The following KRI1 variants were observed in gnomAD, a reference collection of about 807,000 sequenced individuals.
KRI1 encodes the protein KRI1 homolog.
KRI1 carries 83 observed loss-of-function variants against 97.0 expected under a neutral mutation model. The ratio of observed to expected loss-of-function variants is 0.86; its 90% CI spans 0.72 to 1.03. The LOEUF is 1.03. Among genes scored for constraint, KRI1 ranks in the 50% least tolerant of loss-of-function variants. The pLI, the probability that KRI1 is intolerant of heterozygous loss-of-function variation, is 0.00. For missense variants in KRI1, 916 were observed against 928.4 expected, an observed-to-expected ratio of 0.99 and a Z score of 0.17; for synonymous variants, 371 against 363.5, an observed-to-expected ratio of 1.02 and a Z score of -0.23.
At chr19:10,564,885 C>T (rs1468419575) in intron 3 of KRI1, 44 bp downstream of exon 3, 2 of 1,264,804 alleles carry the variant, frequency 1.6e-6, no homozygotes, top group African/African-American at 2.9e-5. Context: ...ACCCCGGATT[C>T]TGCTCCAGAG....
intron 17 of KRI1, 21 bp downstream of exon 17, chr19:10,555,264 C>T (rs765585165): frequency 6.8e-6 from 11 of 1,612,886 alleles, no homozygotes; most frequent in Admixed American, 5.0e-5. Context: ...CATGTGGCCC[C>T]GCCGCGCCCC....
intron 8 of KRI1, 61 bp from the exon 9 acceptor site, chr19:10,560,509 C>A: frequency 7.8e-7 from 1 of 1,280,300 alleles, no homozygotes; most frequent in South Asian, 1.3e-5. Context: ...GGCAGGCATG[C>A]TCACCACATG....
chr19:10,553,884 G>A lies in KRI1; in HGVS notation c.*67C>T, dbSNP rs1373452353. ...ATCTCTGCAGCAGATAGTACTTGTG[G>A]GTGCGAGACCTGTCCAGGGCTTGAT... On this transcript the variant is annotated 3_prime_UTR_variant, in exon 19 of 19. Coordinates refer to ENST00000312962, the MANE Select transcript of KRI1 (RefSeq NM_023008.5). 7.8e-7 allele frequency: 1 copy of A among 1,283,754 alleles called. No homozygotes were observed. Among genetic ancestry groups the A allele is most frequent in the Admixed American group, 2.8e-5 (1 of 35,954 alleles). The allele number at this position is 1,283,754 out of a possible 1,614,324, so 79.5% of individuals were successfully genotyped here.
At position 10,554,273 on chromosome 19, in the gene KRI1, G is replaced by A. The variant is rs763399698; in HGVS notation, c.1790C>T (p.Thr597Ile). ...FKSLCREEAE[T>I]PAEATGKPQR... ...TGGCTTCCCTGTGGCTTCCGCAGGTGTCTCTGCCCTGAGGGAGAAAAGTCA... is the reference window on the plus strand; with the variant it reads ...TGGCTTCCCTGTGGCTTCCGCAGGTATCTCTGCCCTGAGGGAGAAAAGTCA... The change falls in exon 19 of 19, where the codon ACA (threonine) becomes ATA (isoleucine). Residue 597 changes from threonine (T) to isoleucine (I), a missense_variant. Physicochemically the swap from Thr to Ile is moderately conservative, Grantham distance 89 (BLOSUM62 -1). Transcript: ENST00000312962. 3 of 1,613,608 alleles carry A rather than the reference G, an allele frequency of 1.9e-6. No individual in the cohort carries two copies. Among genetic ancestry groups the A allele is most frequent in the Non-Finnish European group, 2.5e-6 (3 of 1,179,870 alleles).
rs367986734 is a variant in KRI1 at position 10,553,788 on chromosome 19, C to T, written c.*163G>A. ...CCCACGCTGGTCTCCAATTCCTGGG[C>T]TCAAGTGATCCTTTCACCTCGGCCT... On this transcript the variant is annotated 3_prime_UTR_variant, in exon 19 of 19. Transcript: ENST00000312962. 3.2e-6 allele frequency: 2 copies of T among 634,514 alleles called. No individual in the cohort carries two copies. The highest frequency in any genetic ancestry group is 3.7e-5 in the African/African-American group (2 of 53,942). The allele number at this position is 634,514 out of a possible 1,614,324, so 39.3% of individuals were successfully genotyped here.
Position 10,554,009 on chromosome 19 carries a change from T to C in KRI1, c.2054A>G (p.His685Arg). 6.2e-7 allele frequency: 1 copy of C among 1,613,552 alleles called. No individual in the cohort carries two copies. ...CCGCTGCCGGCCCAGCTGGCGGAAG[T>C]GCAGCCGTTTGGGGTTGAGGCCAAA... ...QAFGLNPKRL[H>R]FRQLGRQRRK... Residue 685 changes from histidine to arginine, a missense_variant, in exon 19 of 19, where the codon CAC becomes CGC. Coordinates refer to ENST00000312962, the MANE Select transcript of KRI1 (RefSeq NM_023008.5).
In KRI1 at chr19:10,555,075, A is replaced by C; in HGVS notation, c.1781+12T>G. On this transcript the variant is annotated intron_variant, in intron 18 of 18. Transcript: ENST00000312962. Reference sequence around the variant, plus strand: ...GCTCCCCACCCACGCTTCCCCAGCCAGCACTGCTTACTCTTCTCGGCAGAG... The same window carrying C: ...GCTCCCCACCCACGCTTCCCCAGCCCGCACTGCTTACTCTTCTCGGCAGAG... 1 of 1,610,826 alleles carries C rather than the reference A, an allele frequency of 6.2e-7. No homozygotes were observed. Among genetic ancestry groups the C allele is most frequent in the Non-Finnish European group, 8.5e-7 (1 of 1,177,380 alleles).
At position 10,565,022 on chromosome 19, in the gene KRI1, G is replaced by A. The variant is rs868279925; in HGVS notation, c.181C>T (p.Gln61Ter). The A allele has an allele frequency of 1.2e-6, 2 of 1,611,204 alleles. No individual in the cohort carries two copies. The highest frequency in any genetic ancestry group is 1.7e-4 in the Middle Eastern group (1 of 6,026). Residue 61 changes from glutamine to a stop codon, truncating the protein, a stop_gained, in exon 3 of 19, where the codon CAG becomes TAG. Coordinates refer to ENST00000312962, the MANE Select transcript of KRI1 (RefSeq NM_023008.5). LOFTEE classifies it high-confidence loss of function. ...GTTTTGTAAAAGTCCCGCTCCTGCT[G>A]GGGATCAAATTCCTAGGGCAGGAAA... is the stretch of plus-strand genomic sequence containing the variant. ...SSDERVEFDP[Q>*]QERDFYKTLS...
rs1916396876 is a variant in KRI1, at chr19:10,553,775, T to C, written c.*176A>G. 5.0e-6 allele frequency: 3 copies of C among 602,350 alleles called. No homozygotes were observed. The South Asian group carries it at 7.2e-5, about 14-fold the overall frequency. 37.3% of individuals were successfully genotyped at this position (602,350 alleles called of 1,614,324 possible). ...TCTCGCTAAGTTGCCCACGCTGGTC[T>C]CCAATTCCTGGGCTCAAGTGATCCT... On this transcript the variant is annotated 3_prime_UTR_variant, in exon 19 of 19. Transcript: ENST00000312962.
At chr19:10,561,455 T>G (rs1426595546) in intron 6 of KRI1, among the ~76,000 whole-genome samples, 190 bp from the exon 7 acceptor site, 1 of 152,110 alleles carries the variant, frequency 6.6e-6, no homozygotes. Flanking sequence ...CCACCTCACC[T>G]GGCTGGCTGC....
In KRI1 at chr19:10,553,786, G is replaced by C. The variant is rs1195088459; in HGVS notation, c.*165C>G. ...TGCCCACGCTGGTCTCCAATTCCTG[G>C]GCTCAAGTGATCCTTTCACCTCGGC... On this transcript the variant is annotated 3_prime_UTR_variant, in exon 19 of 19. Coordinates refer to ENST00000312962, the MANE Select transcript of KRI1 (RefSeq NM_023008.5). 1 of 624,952 alleles carries C rather than the reference G, an allele frequency of 1.6e-6. No individual in the cohort carries two copies. Among genetic ancestry groups the C allele is most frequent in the Non-Finnish European group, 2.7e-6 (1 of 376,410 alleles). The allele number at this position is 624,952 out of a possible 1,614,324, so 38.7% of individuals were successfully genotyped here.
intron 18 of KRI1, 40 bp downstream of exon 18, chr19:10,555,047 C>T (rs1189548075): frequency 6.5e-7 from 1 of 1,536,914 alleles, no homozygotes; most frequent in Non-Finnish European, 9.0e-7. Context: ...CTGGGCCTGA[C>T]AGGCTCCCCA....
intron 6 of KRI1, 38 bp downstream of exon 6, chr19:10,561,629 T>C (rs1916701153): frequency 8.1e-6 from 13 of 1,609,238 alleles, no homozygotes; most frequent in South Asian, 1.1e-5. Context: ...GAGCCTCAAC[T>C]TTCCTCCATT....
At chr19:10,561,400 T>C in intron 6 of KRI1, 135 bp from the exon 7 acceptor site, 1 of 862,578 alleles carries the variant, frequency 1.2e-6, no homozygotes, top group South Asian at 1.5e-5. Context: ...GCTCAAGTGA[T>C]CCTCCCTCCT....
At chr19:10,560,161 C>A (rs1406568458) in intron 9 of KRI1, 151 bp downstream of exon 9, 2 of 1,348,490 alleles carry the variant, frequency 1.5e-6, no homozygotes, top group South Asian at 1.5e-5. Context: ...AGAGCCTATA[C>A]TCTGTGGCTC....
At position 10,557,626 on chromosome 19, in the gene KRI1, T is replaced by C. The variant is rs376337650; in HGVS notation, c.1543A>G (p.Ile515Val). Residue 515 changes from isoleucine (I) to valine (V), a missense_variant, in exon 16 of 19, where the codon ATC (isoleucine) becomes GTC (valine). Coordinates refer to ENST00000312962, the MANE Select transcript of KRI1 (RefSeq NM_023008.5). ...AAGCGACAGGGCAGGTCGTCGATGATGTCCTCGTAGTCCAGCCGGTAATAC... is the reference window on the plus strand; with the variant it reads ...AAGCGACAGGGCAGGTCGTCGATGACGTCCTCGTAGTCCAGCCGGTAATAC... ...DEYYRLDYED[I>V]IDDLPCRFKY... 7.4e-6 allele frequency: 12 copies of C among 1,614,080 alleles called. No individual in the cohort carries two copies. In the African/African-American group the frequency reaches 1.3e-4, roughly 18 times the overall value.
In KRI1 at chr19:10,559,941, G is replaced by A. The variant is rs1408764974; in HGVS notation, c.801-5C>T. On this transcript the variant is annotated splice_region_variant and splice_polypyrimidine_tract_variant and intron_variant, in intron 9 of 18. Transcript: ENST00000312962. ...TGGACTGGGGGACCGTGGACCCTGA[G>A]GGGCAAGATGTGGTGATGCCAGGGG... 1.2e-6 allele frequency: 2 copies of A among 1,609,620 alleles called. No homozygotes were observed. The highest frequency in any genetic ancestry group is 1.7e-6 in the Non-Finnish European group (2 of 1,179,374).
chr19:10,558,808 C>T lies in KRI1; in HGVS notation c.1194+551G>A, dbSNP rs527706565. Among the ~76,000 whole-genome samples, 10 of 152,136 alleles carry T rather than the reference C, an allele frequency of 6.6e-5. 1 individual carries two copies. In the South Asian group the frequency reaches 2.1e-3, roughly 32 times the overall value. On this transcript the variant is annotated intron_variant, in intron 12 of 18. Coordinates refer to ENST00000312962, the MANE Select transcript of KRI1 (RefSeq NM_023008.5). ...ACAACCTCCACCTCCCGGGTTCAAG[C>T]GATTCCCTGCCTCAGCCTCCCGAGT...
Position 10,553,162 on chromosome 19 carries a change from C to A in KRI1, c.*789G>T. 7.1e-7 allele frequency: 1 copy of A among 1,408,854 alleles called. No individual in the cohort carries two copies. The highest frequency in any genetic ancestry group is 9.4e-7 in the Non-Finnish European group (1 of 1,062,128). The allele number at this position is 1,408,854 out of a possible 1,614,324, so 87.3% of individuals were successfully genotyped here. A position where few individuals can be genotyped will look rare whatever the true frequency, so the allele number is the denominator to read the frequency against. On this transcript the variant is annotated 3_prime_UTR_variant, in exon 19 of 19. Coordinates refer to ENST00000312962, the MANE Select transcript of KRI1 (RefSeq NM_023008.5). ...TTGAGCTCTGGCAGTGATGATGGTA[C>A]TTCCTGTTGTCAGCCCCTCAAGCCC...
Sources: gnomAD v4.1 joint callset for allele counts (sites outside exome capture counted in the v4.1 genomes callset) on GRCh38, gnomAD v4.1.1 for gene constraint, MANE v1.5 for transcripts, NCBI Gene and HGNC (gene_info 2026-07-23, HGNC 2026-07-21) for gene names.